Variants in MIPOL1 observed in about 807,000 individuals in gnomAD.
MIPOL1 encodes mirror-image polydactyly 1, also known as mirror-image polydactyly gene 1 protein.
A neutral mutation model predicts 60.9 loss-of-function variants in MIPOL1; 57 were observed. The ratio of observed to expected loss-of-function variants is 0.94; its 90% CI spans 0.76 to 1.17. MIPOL1 has a LOEUF of 1.17. MIPOL1 is among the 50% of genes most tolerant of loss of function. MIPOL1 has a pLI of 0.00. For missense variants in MIPOL1, 551 were observed against 511.6 expected, an observed-to-expected ratio of 1.08 and a Z score of -0.74; for synonymous variants, 179 against 168.8, an observed-to-expected ratio of 1.06 and a Z score of -0.47.
At chr14:37,209,135 T>C (rs1966548595) in intron 1 of MIPOL1, among the ~76,000 whole-genome samples, 1 of 152,164 alleles carries the variant, frequency 6.6e-6, no homozygotes, top group Non-Finnish European at 1.5e-5. Flanking sequence ...CCAGAGCTGA[T>C]GTTATATTTA....
chr14:37,232,256 T>C (rs1970752381), intron 1 of MIPOL1, among the ~76,000 whole-genome samples: 1 of 152,166 alleles, frequency 6.6e-6, no homozygotes. Context: ...AAGTTACTAA[T>C]TGAAGAATTA....
chr14:37,346,423 A>G (rs2090949616), intron 9 of MIPOL1, among the ~76,000 whole-genome samples: 1 of 152,192 alleles, frequency 6.6e-6, no homozygotes, highest in Non-Finnish European at 1.5e-5. Context: ...TTATACTGGT[A>G]GCCATGGAAA....
At position 37,500,064 on chromosome 14, in the gene MIPOL1, A is replaced by G; in HGVS notation, c.1188A>G (p.Thr396=). The change falls in exon 12 of 13, where the codon ACA becomes ACG. Residue 396 remains threonine, a synonymous_variant. Coordinates refer to ENST00000684589, the MANE Select transcript of MIPOL1 (RefSeq NM_001388067.1). ...CTACTCAACTGCAACAAGCTCTGACAGAGCGAGCAAATATGGAATTACAAC... is the reference window on the plus strand; with the variant it reads ...CTACTCAACTGCAACAAGCTCTGACGGAGCGAGCAAATATGGAATTACAAC... ...ELATQLQQAL[T]ERANMELQLQ... The G allele has an allele frequency of 6.2e-7, 1 of 1,613,970 alleles. No homozygotes were observed. The highest frequency in any genetic ancestry group is 1.1e-5 in the South Asian group (1 of 91,076).
intron 11 of MIPOL1, among the ~76,000 whole-genome samples, chr14:37,491,946 C>G (rs1409337153): frequency 6.6e-6 from 1 of 152,128 alleles, no homozygotes; most frequent in Admixed American, 6.6e-5. Context: ...AGAATTAAGG[C>G]CTATTATACT....
chr14:37,419,809 T>C, intron 10 of MIPOL1, among the ~76,000 whole-genome samples: 1 of 151,890 alleles, frequency 6.6e-6, no homozygotes, highest in East Asian at 1.9e-4. Flanking sequence ...GGTGTGATCC[T>C]AGCTCACTGA....
intron 9 of MIPOL1, among the ~76,000 whole-genome samples, chr14:37,359,328 G>A (rs533796464): frequency 2.0e-5 from 3 of 152,230 alleles, no homozygotes; most frequent in Admixed American, 2.0e-4. Context: ...CTCTTTTTTG[G>A]TTCCATATGA....
At chr14:37,543,447 T>C (rs2095537259) in intron 12 of MIPOL1, among the ~76,000 whole-genome samples, 3 of 152,184 alleles carry the variant, frequency 2.0e-5, no homozygotes, top group African/African-American at 7.2e-5. Flanking sequence ...GGCTAATTTT[T>C]TTTATTTTTA....
intron 11 of MIPOL1, among the ~76,000 whole-genome samples, chr14:37,486,771 A>G (rs563337511): frequency 7.4e-4 from 113 of 152,228 alleles, no homozygotes; most frequent in Non-Finnish European, 1.4e-3. Context: ...TGTCATCTGC[A>G]AACAGACAAT....
intron 10 of MIPOL1, among the ~76,000 whole-genome samples, chr14:37,384,813 A>G (rs568509588): frequency 6.6e-6 from 1 of 152,026 alleles, no homozygotes; most frequent in South Asian, 2.1e-4. Flanking sequence ...TTTAAGGGCA[A>G]TTTTATACAA....
In MIPOL1 at chr14:37,390,580, G is replaced by A. The variant is rs963783565; in HGVS notation, c.936+20956G>A. Among the ~76,000 whole-genome samples the A allele has an allele frequency of 1.1e-4, 16 of 151,998 alleles. 1 individual carries two copies. Among genetic ancestry groups the A allele is most frequent in the Middle Eastern group, 3.4e-3 (1 of 294 alleles). The stretch of plus-strand genomic sequence containing the variant: ...AAGAGAAAATAAATGAAAATATTAA[G>A]CATTTCATTATAAAATTGTAATCTC... On this transcript the variant is annotated intron_variant, in intron 10 of 12. Coordinates refer to ENST00000684589, the MANE Select transcript of MIPOL1 (RefSeq NM_001388067.1).
At chr14:37,279,095 T>G (rs2083896989) in intron 6 of MIPOL1, among the ~76,000 whole-genome samples, 1 of 151,428 alleles carries the variant, frequency 6.6e-6, no homozygotes, top group Non-Finnish European at 1.5e-5. Flanking sequence ...AGTATTTTAC[T>G]TGGTTGGCTT....
chr14:37,423,994 G>C (rs1484218821), intron 11 of MIPOL1, among the ~76,000 whole-genome samples: 1 of 152,124 alleles, frequency 6.6e-6, no homozygotes, highest in Non-Finnish European at 1.5e-5. Flanking sequence ...ATTTCTATGG[G>C]TGCAAACTCT....
intron 9 of MIPOL1, among the ~76,000 whole-genome samples, chr14:37,326,525 T>TAGTC (rs769371562): frequency 6.6e-6 from 1 of 152,208 alleles, no homozygotes; most frequent in Non-Finnish European, 1.5e-5. Flanking sequence ...TGGTCCAGTG[T>TAGTC]AGTCACCCTT....
chr14:37,311,259 A>G (rs1289999072), intron 9 of MIPOL1, among the ~76,000 whole-genome samples: 1 of 152,172 alleles, frequency 6.6e-6, no homozygotes, highest in Non-Finnish European at 1.5e-5. Context: ...TTCGTTCACC[A>G]CAAATGATTC....
intron 10 of MIPOL1, among the ~76,000 whole-genome samples, chr14:37,409,025 A>G (rs2093638110): frequency 6.6e-6 from 1 of 152,164 alleles, no homozygotes; most frequent in Admixed American, 6.5e-5. Flanking sequence ...TTTGGTCCCA[A>G]TCCTTGATAA....
chr14:37,382,438 A>G (rs2153511024), intron 10 of MIPOL1, among the ~76,000 whole-genome samples: 1 of 152,182 alleles, frequency 6.6e-6, no homozygotes, highest in Non-Finnish European at 1.5e-5. Flanking sequence ...TGATATGGAA[A>G]GTAGTTGAGA....
chr14:37,295,661 T>C (rs574141943), intron 7 of MIPOL1, among the ~76,000 whole-genome samples: 107 of 152,066 alleles, frequency 7.0e-4, no homozygotes, highest in Middle Eastern at 3.4e-3. Context: ...ATCCTAGTCT[T>C]TGATAAAACA....
Position 37,257,450 on chromosome 14 carries a change from G to A in MIPOL1, c.20-9488G>A, listed in dbSNP as rs563474357. On this transcript the variant is annotated intron_variant, in intron 3 of 12. Transcript: ENST00000684589. ...TGTCTCATATAGTTTTGATATCTGG[G>A]CACATGTCAACAAAAAAAATTGAGC... is the stretch of plus-strand genomic sequence containing the variant. Among the ~76,000 whole-genome samples, 64 of 152,054 alleles carry A rather than the reference G, an allele frequency of 4.2e-4. 1 individual carries two copies. The highest frequency in any genetic ancestry group is 2.1e-3 in the South Asian group (10 of 4,822).
chr14:37,524,560 TTTTTC>T (rs1260192092), intron 12 of MIPOL1, among the ~76,000 whole-genome samples: 1 of 17,964 alleles, frequency 5.6e-5, no homozygotes, highest in Non-Finnish European at 9.2e-5. Flanking sequence ...TTAATTTTTC[TTTTTC>T]TTTTCTTTTT....
Sources: gnomAD v4.1 joint callset for allele counts (sites outside exome capture counted in the v4.1 genomes callset) on GRCh38, gnomAD v4.1.1 for gene constraint, MANE v1.5 for transcripts, NCBI Gene and HGNC (gene_info 2026-07-23, HGNC 2026-07-21) for gene names.